The following WWOX variants were observed in gnomAD, a reference collection of about 807,000 sequenced individuals.
WWOX encodes WW domain containing oxidoreductase.
In WWOX, 69 loss-of-function variants were observed where a neutral mutation model predicts 46.2. That is an observed-to-expected ratio of 1.49 (90% CI 1.23 to 1.82). The LOEUF is 1.82. WWOX is among the 40% of genes most tolerant of loss of function. WWOX has a pLI of 0.00. For missense variants in WWOX, 919 were observed against 542.6 expected, an observed-to-expected ratio of 1.69 and a Z score of -6.89; for synonymous variants, 359 against 202.6, an observed-to-expected ratio of 1.77 and a Z score of -6.56.
At chr16:78,114,596 G>C (rs1002821248) in intron 3 of WWOX, among the ~76,000 whole-genome samples, 1 of 152,080 alleles carries the variant, frequency 6.6e-6, no homozygotes, top group African/African-American at 2.4e-5. Context: ...CTTGCACAGG[G>C]CTAAGAGATT....
At chr16:79,086,051 A>C (rs2048848216) in intron 8 of WWOX, among the ~76,000 whole-genome samples, 1 of 142,072 alleles carries the variant, frequency 7.0e-6, no homozygotes. Context: ...CAACGTGGGC[A>C]ACAGTGTGAG....
chr16:78,521,629 C>G (rs957446495), intron 8 of WWOX, among the ~76,000 whole-genome samples: 3 of 152,122 alleles, frequency 2.0e-5, no homozygotes, highest in East Asian at 1.9e-4. Context: ...TAAGTATTAA[C>G]CAAAGAAATG....
At chr16:79,008,567 T>A (rs530370310) in intron 8 of WWOX, among the ~76,000 whole-genome samples, 1 of 151,498 alleles carries the variant, frequency 6.6e-6, no homozygotes, top group Admixed American at 6.6e-5. Flanking sequence ...GTCTGTGAAA[T>A]CCCCATTTCA....
chr16:78,110,219 G>A (rs1267152322), intron 3 of WWOX, among the ~76,000 whole-genome samples: 1 of 151,608 alleles, frequency 6.6e-6, no homozygotes, highest in Non-Finnish European at 1.5e-5. Context: ...ACGTGCCTGT[G>A]GTCCCTGCTA....
chr16:78,432,610 A>G lies in WWOX; in HGVS notation c.914A>G (p.Asn305Ser), dbSNP rs1224888299. ...RSKLCNILFS[N>S]ELHRRLSPRG... is the part of the protein sequence containing the mutation. ...AAGCTCTGCAACATCCTCTTCTCCA[A>G]CGAGCTGCACCGTCGCCTCTCCCCA... The change falls in exon 8 of 9, where the codon AAC (asparagine) becomes AGC (serine). Residue 305 changes from asparagine (N) to serine (S), a missense_variant. Asn to Ser is a conservative substitution (Grantham distance 46). Transcript: ENST00000566780. The G allele has an allele frequency of 4.3e-6, 7 of 1,614,234 alleles. No homozygotes were observed. The highest frequency in any genetic ancestry group is 1.7e-5 in the Admixed American group (1 of 60,028).
chr16:78,908,155 C>T lies in WWOX; in HGVS notation c.1057-303453C>T, dbSNP rs563042517. ...TATGGCCAAGTGTGTGGCAGTGTCACAACTTAAGAGCCAGTGTAATTGCCC... is the reference window on the plus strand; with the variant it reads ...TATGGCCAAGTGTGTGGCAGTGTCATAACTTAAGAGCCAGTGTAATTGCCC... On this transcript the variant is annotated intron_variant, in intron 8 of 8. Transcript: ENST00000566780. Among the ~76,000 whole-genome samples, 10 of 152,282 alleles carry T rather than the reference C, an allele frequency of 6.6e-5. No individual in the cohort carries two copies. In the East Asian group the frequency reaches 1.9e-3, roughly 29 times the overall value.
intron 8 of WWOX, among the ~76,000 whole-genome samples, chr16:78,780,121 G>T (rs577411260): frequency 7.9e-5 from 12 of 152,224 alleles, no homozygotes; most frequent in East Asian, 7.7e-4. Flanking sequence ...GTGAGCCCCT[G>T]GGGTCCTACA....
chr16:78,964,486 G>A (rs760804905), intron 8 of WWOX, among the ~76,000 whole-genome samples: 13 of 152,156 alleles, frequency 8.5e-5, no homozygotes, highest in East Asian at 7.7e-4. Context: ...GTATCTGGCC[G>A]AAGAAATTTC....
intron 8 of WWOX, among the ~76,000 whole-genome samples, chr16:78,686,712 G>A (rs894348094): frequency 6.6e-6 from 1 of 152,110 alleles, no homozygotes; most frequent in African/African-American, 2.4e-5. Context: ...TTTTAGGAAA[G>A]GCCCAGTAGG....
At chr16:78,956,241 G>A (rs1260147485) in intron 8 of WWOX, among the ~76,000 whole-genome samples, 1 of 151,992 alleles carries the variant, frequency 6.6e-6, no homozygotes, top group Non-Finnish European at 1.5e-5. Flanking sequence ...GACCTCGAGG[G>A]CTCAAGCAAT....
intron 8 of WWOX, among the ~76,000 whole-genome samples, chr16:79,165,500 A>G (rs2050576163): frequency 6.6e-6 from 1 of 151,652 alleles, no homozygotes. Flanking sequence ...TTCAGCATAG[A>G]CCTCCTTGGG....
At chr16:78,308,375 A>T (rs915499655) in intron 5 of WWOX, among the ~76,000 whole-genome samples, 1 of 152,100 alleles carries the variant, frequency 6.6e-6, no homozygotes, top group Non-Finnish European at 1.5e-5. Context: ...GTTGGATATG[A>T]CTCATTATAC....
At chr16:79,201,910 A>T (rs1199255593) in intron 8 of WWOX, among the ~76,000 whole-genome samples, 3 of 152,204 alleles carry the variant, frequency 2.0e-5, no homozygotes, top group Non-Finnish European at 2.9e-5. Flanking sequence ...AAAAAGAAGA[A>T]TTTTCATTTG....
At chr16:78,368,091 T>A (rs1183523700) in intron 5 of WWOX, among the ~76,000 whole-genome samples, 1 of 152,190 alleles carries the variant, frequency 6.6e-6, no homozygotes, top group African/African-American at 2.4e-5. Context: ...TTGAGCAGAT[T>A]TCGCTGCTTT....
intron 8 of WWOX, among the ~76,000 whole-genome samples, chr16:79,032,860 T>A (rs1328445393): frequency 1.3e-5 from 2 of 151,480 alleles, no homozygotes; most frequent in Non-Finnish European, 2.9e-5. Context: ...GATGATTTCA[T>A]CACCCAGGTA....
intron 5 of WWOX, among the ~76,000 whole-genome samples, chr16:78,266,788 T>TTCTCTCTCTTTCTCTCTCTCTC (rs767644576): frequency 1.1e-3 from 131 of 115,620 alleles, no homozygotes; most frequent in Non-Finnish European, 2.0e-3. Flanking sequence ...TATTCTTCTA[T>TTCTCTCTCTTTCTCTCTCTCTC]TCTCTCTCTC....
At chr16:78,351,528 G>A (rs1053377011) in intron 5 of WWOX, among the ~76,000 whole-genome samples, 2 of 152,174 alleles carry the variant, frequency 1.3e-5, no homozygotes, top group African/African-American at 4.8e-5. Context: ...TGTTCAGGAA[G>A]CAGGCTGCCT....
intron 5 of WWOX, among the ~76,000 whole-genome samples, chr16:78,329,059 G>A (rs375356871): frequency 6.6e-6 from 1 of 152,004 alleles, no homozygotes; most frequent in African/African-American, 2.4e-5. Flanking sequence ...CGAGGTTTCA[G>A]CATGTTCGCC....
Position 79,211,964 on chromosome 16 carries a change from G to A in WWOX, c.*168G>A. ...AAATCTTAAGTACCAATGGGAAGCA[G>A]GGAATTCCTGGGGTAAAGTATCACT... On this transcript the variant is annotated 3_prime_UTR_variant, in exon 9 of 9. Transcript: ENST00000566780. The A allele has an allele frequency of 6.5e-7, 1 of 1,535,316 alleles. No homozygotes were observed. Among genetic ancestry groups the A allele is most frequent in the African/African-American group, 1.4e-5 (1 of 72,316 alleles).
Sources: allele counts gnomAD v4.1 joint callset (sites outside exome capture counted in the v4.1 genomes callset), GRCh38; gene constraint gnomAD v4.1.1; transcripts MANE v1.5; gene names NCBI Gene and HGNC (gene_info 2026-07-23, HGNC 2026-07-21).